SLIT2: variants seen among roughly 807,000 people sequenced by gnomAD.
SLIT2 encodes the protein slit guidance ligand 2.
A neutral mutation model predicts 185.7 loss-of-function variants in SLIT2; 41 were observed. That is an observed-to-expected ratio of 0.22 (90% CI 0.17 to 0.29). The LOEUF (loss-of-function observed/expected upper bound fraction) is 0.29. SLIT2 is among the 10% of genes least tolerant of loss of function. The probability of loss-of-function intolerance (pLI) is 1.00; values close to 1 mark genes in which losing one functional copy is unlikely to be tolerated. For synonymous variants in SLIT2, 693 were observed against 680.2 expected (o/e 1.02, Z -0.29); for missense variants, 1,571 against 1,909.0 (o/e 0.82, Z 3.30).
intron 29 of SLIT2, among the ~76,000 whole-genome samples, chr4:20,583,250 T>C (rs1726751458): frequency 6.6e-6 from 1 of 152,204 alleles, no homozygotes; most frequent in Non-Finnish European, 1.5e-5. Flanking sequence ...ATTATACTTC[T>C]AGCATTGGTA....
At chr4:20,483,016 G>GA (rs1481979355) in intron 6 of SLIT2, among the ~76,000 whole-genome samples, 2 of 151,832 alleles carry the variant, frequency 1.3e-5, no homozygotes, top group Admixed American at 6.6e-5. Flanking sequence ...GCATGAAGAA[G>GA]GGTTCTAGAA....
intron 4 of SLIT2, among the ~76,000 whole-genome samples, chr4:20,297,673 C>T (rs560449933): frequency 5.8e-4 from 79 of 136,750 alleles, no homozygotes; most frequent in Non-Finnish European, 9.2e-4. Flanking sequence ...ATTCTTATTG[C>T]TAATTTTAAA....
chr4:20,307,878 C>A (rs536180257), intron 4 of SLIT2, among the ~76,000 whole-genome samples: 8 of 152,188 alleles, frequency 5.3e-5, no homozygotes, highest in Non-Finnish European at 1.0e-4. Context: ...GACCCACTGC[C>A]TGTCCCCTGA....
chr4:20,269,465 G>A (rs1713382266), intron 4 of SLIT2, among the ~76,000 whole-genome samples: 1 of 151,862 alleles, frequency 6.6e-6, no homozygotes, highest in Admixed American at 6.6e-5. Flanking sequence ...ATTCCTTAAA[G>A]GAGCATAATG....
chr4:20,283,155 A>G (rs1445692957), intron 4 of SLIT2, among the ~76,000 whole-genome samples: 1 of 150,978 alleles, frequency 6.6e-6, no homozygotes, highest in Non-Finnish European at 1.5e-5. Flanking sequence ...AAGTCATTCA[A>G]CTACTATTTT....
At chr4:20,352,984 C>T (rs1392976724) in intron 4 of SLIT2, among the ~76,000 whole-genome samples, 1 of 152,244 alleles carries the variant, frequency 6.6e-6, no homozygotes, top group East Asian at 1.9e-4. Context: ...ATAGATTACA[C>T]ACCTTTATAA....
rs1404570296 is a variant in SLIT2, at chr4:20,295,979, T to C, written c.395+27098T>C. Among the ~76,000 whole-genome samples, 9 of 152,384 alleles carry C rather than the reference T, an allele frequency of 5.9e-5. No individual in the cohort carries two copies. The East Asian group carries it at 1.5e-3, about 26-fold the overall frequency. On this transcript the variant is annotated intron_variant, in intron 4 of 36. Coordinates refer to ENST00000504154, the MANE Select transcript of SLIT2 (RefSeq NM_004787.4). ...TTTATCTGTATGATGGCCAGTGCCATATATGAAGTATATTCAATCCAAGAA... is the reference window on the plus strand; with the variant it reads ...TTTATCTGTATGATGGCCAGTGCCACATATGAAGTATATTCAATCCAAGAA...
chr4:20,493,926 G>C (rs1718005624), intron 9 of SLIT2, among the ~76,000 whole-genome samples: 1 of 152,186 alleles, frequency 6.6e-6, no homozygotes, highest in African/African-American at 2.4e-5. Flanking sequence ...CAGTAGGAAT[G>C]AAAGTACAAG....
intron 30 of SLIT2, among the ~76,000 whole-genome samples, chr4:20,594,990 C>T (rs1328398259): frequency 6.6e-6 from 1 of 152,132 alleles, no homozygotes. Context: ...CAGTGAATGT[C>T]AGCTGTATTA....
At chr4:20,276,424 A>C (rs564348819) in intron 4 of SLIT2, among the ~76,000 whole-genome samples, 2 of 152,274 alleles carry the variant, frequency 1.3e-5, no homozygotes, top group South Asian at 2.1e-4. Context: ...TAAATCTTAG[A>C]GAAGGAAGCA....
intron 4 of SLIT2, among the ~76,000 whole-genome samples, chr4:20,394,098 T>A (rs1190617330): frequency 6.6e-6 from 1 of 151,998 alleles, no homozygotes; most frequent in Non-Finnish European, 1.5e-5. Context: ...ATTTGGTGGC[T>A]GAACTAGGAA....
Position 20,532,050 on chromosome 4 carries a change from A to G in SLIT2, c.1680A>G (p.Leu560=). ...ATGIFKKLPQ[L]RKINFSNNKI... Reference sequence around the variant, plus strand: ...GAATCTTTAAGAAACTTCCTCAATTACGTAAAATGTAAGTCACTTGTTAGC... The same window carrying G: ...GAATCTTTAAGAAACTTCCTCAATTGCGTAAAATGTAAGTCACTTGTTAGC... Residue 560 remains leucine, a synonymous_variant, in exon 17 of 37, where the codon TTA becomes TTG. Transcript: ENST00000504154. 1.3e-6 allele frequency: 2 copies of G among 1,558,488 alleles called. No individual in the cohort carries two copies. The highest frequency in any genetic ancestry group is 2.3e-5 in the East Asian group (1 of 43,182).
rs544539883 is a variant in SLIT2 at position 20,538,259 on chromosome 4, G to A, written c.1833-1182G>A. Reference sequence around the variant, plus strand: ...ACAGGCATGAGCCACTGGACCTGGCGCTCAAACTTGTCTTCAACTTCCCCC... The same window carrying A: ...ACAGGCATGAGCCACTGGACCTGGCACTCAAACTTGTCTTCAACTTCCCCC... On this transcript the variant is annotated intron_variant, in intron 18 of 36. Transcript: ENST00000504154. 3.9e-5 allele frequency among the ~76,000 whole-genome samples: 6 copies of A among 152,026 alleles called. No individual in the cohort carries two copies. In the East Asian group the frequency reaches 9.7e-4, roughly 25 times the overall value.
intron 4 of SLIT2, among the ~76,000 whole-genome samples, chr4:20,387,622 A>G (rs892361604): frequency 6.6e-6 from 1 of 152,152 alleles, no homozygotes; most frequent in Non-Finnish European, 1.5e-5. Flanking sequence ...AAAGAGGCCA[A>G]AGAGCTGTGG....
chr4:20,319,185 T>C (rs913301028), intron 4 of SLIT2, among the ~76,000 whole-genome samples: 2 of 152,216 alleles, frequency 1.3e-5, no homozygotes, highest in African/African-American at 4.8e-5. Flanking sequence ...TAACATAGAA[T>C]TAGATACAGT....
At chr4:20,265,889 CTA>C (rs1712987524) in intron 3 of SLIT2, among the ~76,000 whole-genome samples, 2 of 151,830 alleles carry the variant, frequency 1.3e-5, no homozygotes, top group South Asian at 4.1e-4. Flanking sequence ...AATGTTTAGA[CTA>C]TATTTTTTCC....
rs16869579 is a variant in SLIT2 at position 20,421,391 on chromosome 4, A to G, written c.396-46361A>G. ...TTTTCATTTCTTGCCTGCAGTGGAG[A>G]GAGCTGATTCACGATGAGTTCCTCT... On this transcript the variant is annotated intron_variant, in intron 4 of 36. Coordinates refer to ENST00000504154, the MANE Select transcript of SLIT2 (RefSeq NM_004787.4). Among the ~76,000 whole-genome samples, 21 of 152,266 alleles carry G rather than the reference A, an allele frequency of 1.4e-4. No individual in the cohort carries two copies. In the East Asian group the frequency reaches 3.9e-3, roughly 28 times the overall value.
chr4:20,299,130 G>A (rs1438791210), intron 4 of SLIT2, among the ~76,000 whole-genome samples: 1 of 152,040 alleles, frequency 6.6e-6, no homozygotes, highest in Non-Finnish European at 1.5e-5. Context: ...ATATATATAA[G>A]CAAGCAGGGC....
At chr4:20,560,433 A>G (rs1413836729) in intron 26 of SLIT2, among the ~76,000 whole-genome samples, 1 of 151,976 alleles carries the variant, frequency 6.6e-6, no homozygotes, top group Non-Finnish European at 1.5e-5. Flanking sequence ...TTATCAGATC[A>G]TATTTAATTA....
Sources: gnomAD v4.1 joint callset for allele counts (sites outside exome capture counted in the v4.1 genomes callset) on GRCh38, gnomAD v4.1.1 for gene constraint, MANE v1.5 for transcripts, NCBI Gene and HGNC (gene_info 2026-07-23, HGNC 2026-07-21) for gene names.